Variants in SKIDA1 observed in about 807,000 individuals in gnomAD.
SKIDA1 encodes SKI/DACH domain-containing protein 1.
Under a neutral mutation model 51.4 loss-of-function variants are expected in SKIDA1, and 18 were observed. The ratio of observed to expected loss-of-function variants is 0.35; its 90% CI spans 0.24 to 0.52. SKIDA1 has a LOEUF of 0.52. SKIDA1 is among the 20% of genes least tolerant of loss of function. The probability of loss-of-function intolerance (pLI) is 0.95; values close to 1 mark genes in which losing one functional copy is unlikely to be tolerated. For synonymous variants in SKIDA1, 579 were observed against 500.5 expected (o/e 1.16, Z -2.09); for missense variants, 1,104 against 1,180.6 (o/e 0.94, Z 0.95).
In SKIDA1 at chr10:21,517,799, A is replaced by G; in HGVS notation, c.24T>C (p.Phe8=). 1 of 1,609,290 alleles carries G rather than the reference A, an allele frequency of 6.2e-7. No individual in the cohort carries two copies. Among genetic ancestry groups the G allele is most frequent in the Non-Finnish European group, 8.5e-7 (1 of 1,176,138 alleles). The change falls in exon 4 of 4, where the codon TTT becomes TTC. Residue 8 remains phenylalanine, a synonymous_variant. Coordinates refer to ENST00000449193, the MANE Select transcript of SKIDA1 (RefSeq NM_207371.4). The surrounding 1 kb of genome is among the most constrained non-coding windows in gnomAD (Gnocchi z 6.9). ...CGAGCCTCACGCCATCCACCTCTTC[A>G]AAACCTGACTTCAGGTCTCCCATCT... The part of the protein sequence containing the change: MGDLKSG[F]EEVDGVRLGY...
rs777173569 is a variant in SKIDA1, at chr10:21,516,293, A to G, written c.1530T>C (p.Ser510=). ...EDAGRLPDLK[S]SVKAESPAEW... is the part of the protein sequence containing the mutation. The stretch of plus-strand genomic sequence containing the variant: ...CCGCCGGCGACTCCGCTTTGACACT[A>G]CTCTTGAGGTCGGGAAGTCTGCCGG... The change falls in exon 4 of 4, where the codon AGT becomes AGC. Residue 510 remains serine, a synonymous_variant. Coordinates refer to ENST00000449193, the MANE Select transcript of SKIDA1 (RefSeq NM_207371.4). This position sits in a 1 kb window ranked among gnomAD's most constrained non-coding sequence, Gnocchi z 5.7. 3 of 1,613,512 alleles carry G rather than the reference A, an allele frequency of 1.9e-6. No homozygotes were observed. The highest frequency in any genetic ancestry group is 4.5e-5 in the East Asian group (2 of 44,852).
Position 21,516,230 on chromosome 10 carries a change from C to A in SKIDA1, c.1593G>T (p.Pro531=), listed in dbSNP as rs752995025. Residue 531 remains proline, a synonymous_variant, in exon 4 of 4, where the codon CCG becomes CCT. Transcript: ENST00000449193. The surrounding 1 kb of genome is among the most constrained non-coding windows in gnomAD (Gnocchi z 5.7). The stretch of plus-strand genomic sequence containing the variant: ...TCCCCAGGCTGGCCGGGCAGTACAC[C>A]GGAGATGCTTTGGGGGCCCAGCTCT... The part of the protein sequence containing the change: ...NLQSWAPKAS[P]VYCPASLGSC... 6.2e-7 allele frequency: 1 copy of A among 1,613,924 alleles called. No individual in the cohort carries two copies. Among genetic ancestry groups the A allele is most frequent in the Non-Finnish European group, 8.5e-7 (1 of 1,179,908 alleles).
rs1469610916 is a variant in SKIDA1, at chr10:21,518,460, TCTTTC to T, written c.-643_-639del. 6.0e-6 allele frequency: 1 copy of T among 166,538 alleles called. No individual in the cohort carries two copies. Among genetic ancestry groups the T allele is most frequent in the African/African-American group, 2.4e-5 (1 of 41,210 alleles). 10.3% of individuals were successfully genotyped at this position (166,538 alleles called of 1,614,324 possible). On this transcript the variant is annotated 5_prime_UTR_variant, in exon 4 of 4. It introduces an in-frame stop codon into an upstream open reading frame of the 5' UTR. Transcript: ENST00000449193. ...GTAAATAATACAGTCGGTATATAAA[TCTTTC>T]CATTAAACTATCGGAGCTCAGAAAC...
Position 21,515,846 on chromosome 10 carries a change from A to T in SKIDA1, c.1977T>A (p.Ala659=). 1 of 1,614,038 alleles carries T rather than the reference A, an allele frequency of 6.2e-7. No homozygotes were observed. The highest frequency in any genetic ancestry group is 1.1e-5 in the South Asian group (1 of 91,082). The change falls in exon 4 of 4, where the codon GCT becomes GCA. Residue 659 remains alanine (A), a synonymous_variant. Transcript: ENST00000449193. ...PSSQTDPEVN[A]AGAAATKAEN... ...CGGCTTTAGTTGCTGCTGCTCCTGC[A>T]GCGTTCACTTCAGGATCAGTCTGCG...
At position 21,515,606 on chromosome 10, in the gene SKIDA1, T is replaced by G; in HGVS notation, c.2217A>C (p.Ala739=). Residue 739 remains alanine, a synonymous_variant, in exon 4 of 4, where the codon GCA becomes GCC. Transcript: ENST00000449193. ...ALLTTAKEGF[A]CPEKETPSLN... ...AGGAAGGAGTTTCTTTTTCAGGGCA[T>G]GCAAAACCTTCCTTGGCTGTGGTTA... The G allele has an allele frequency of 6.2e-7, 1 of 1,614,062 alleles. No individual in the cohort carries two copies. Among genetic ancestry groups the G allele is most frequent in the South Asian group, 1.1e-5 (1 of 91,088 alleles).
intron 1 of SKIDA1, among the ~76,000 whole-genome samples, chr10:21,524,168 C>T (rs1175174885): frequency 2.0e-5 from 3 of 152,234 alleles, no homozygotes; most frequent in Non-Finnish European, 4.4e-5. Flanking sequence ...TTCAAGTAAA[C>T]GTCTCTTTTA....
chr10:21,516,716 C>T lies in SKIDA1; in HGVS notation c.1107G>A (p.Gln369=). The T allele has an allele frequency of 1.9e-6, 3 of 1,550,968 alleles. No individual in the cohort carries two copies. The highest frequency in any genetic ancestry group is 2.6e-6 in the Non-Finnish European group (3 of 1,146,774). The change falls in exon 4 of 4, where the codon CAG becomes CAA. Residue 369 remains glutamine (Q), a synonymous_variant. Coordinates refer to ENST00000449193, the MANE Select transcript of SKIDA1 (RefSeq NM_207371.4). The surrounding 1 kb of genome is among the most constrained non-coding windows in gnomAD (Gnocchi z 5.7). ...SHHPPHHHRP[Q]PHLGSFPESC... ...TCTCGGGAAAGCTGCCCAGATGGGG[C>T]TGCGGCCGGTGGTGGTGAGGGGGGT...
Position 21,517,229 on chromosome 10 carries a change from G to C in SKIDA1, c.594C>G (p.Ala198=), listed in dbSNP as rs1024868879. 1 of 1,464,948 alleles carries C rather than the reference G, an allele frequency of 6.8e-7. No homozygotes were observed. The highest frequency in any genetic ancestry group is 9.1e-7 in the Non-Finnish European group (1 of 1,103,718). 90.7% of individuals were successfully genotyped at this position (1,464,948 alleles called of 1,614,324 possible). The change falls in exon 4 of 4, where the codon GCC becomes GCG. Residue 198 remains alanine (A), a synonymous_variant. Coordinates refer to ENST00000449193, the MANE Select transcript of SKIDA1 (RefSeq NM_207371.4). The surrounding 1 kb of genome is among the most constrained non-coding windows in gnomAD (Gnocchi z 6.9). ...PCKPPLNYET[A]PLQGNYVAFP... Reference sequence around the variant, plus strand: ...AGGCGACGTAGTTTCCCTGGAGCGGGGCAGTTTCATAGTTTAGAGGGGGTT... The same window carrying C: ...AGGCGACGTAGTTTCCCTGGAGCGGCGCAGTTTCATAGTTTAGAGGGGGTT...
intron 3 of SKIDA1, among the ~76,000 whole-genome samples, chr10:21,521,058 G>GCACACACA (rs139184900): frequency 0.14 from 20,481 of 146,606 alleles, 1,520 homozygotes; most frequent in East Asian, 0.22. Context: ...ATGAGTGCAT[G>GCACACACA]CACACACACA....
rs769476805 is a variant in SKIDA1 at position 21,516,060 on chromosome 10, G to A, written c.1763C>T (p.Ala588Val). Reference sequence around the variant, plus strand: ...TCGGAGTATTCTTTGTTGTGGAAATGCATTGTTTGTCTTTGGGCTAGGTGA... The same window carrying A: ...TCGGAGTATTCTTTGTTGTGGAAATACATTGTTTGTCTTTGGGCTAGGTGA... ...ASSPSPKTNN[A>V]FPQQRILREA... is the part of the protein sequence containing the mutation. The change falls in exon 4 of 4, where the codon GCA (alanine) becomes GTA (valine). Residue 588 changes from alanine (A) to valine (V), a missense_variant. This residue lies in a region of SKIDA1 where 938 missense variants were observed against 886.4 expected (regional missense o/e 1.06). Coordinates refer to ENST00000449193, the MANE Select transcript of SKIDA1 (RefSeq NM_207371.4). This position sits in a 1 kb window ranked among gnomAD's most constrained non-coding sequence, Gnocchi z 5.7. 230 of 1,613,942 alleles carry A rather than the reference G, an allele frequency of 1.4e-4. No homozygotes were observed. Among genetic ancestry groups the A allele is most frequent in the Non-Finnish European group, 1.9e-4 (224 of 1,179,914 alleles).
At chr10:21,520,472 ACCCCCACCCCCGCCATTCCCCT>A (rs2032361932) in intron 3 of SKIDA1, among the ~76,000 whole-genome samples, 1 of 25,640 alleles carries the variant, frequency 3.9e-5, no homozygotes, top group Admixed American at 2.9e-4. Context: ...TCGCCCTCCC[ACCCCCACCCCCGCCATTCCCCT>A]CCCCCAGCTT....
chr10:21,517,201 G>A lies in SKIDA1; in HGVS notation c.622C>T (p.Pro208Ser), dbSNP rs1304431227. The A allele has an allele frequency of 3.5e-6, 5 of 1,448,848 alleles. No homozygotes were observed. Among genetic ancestry groups the A allele is most frequent in the South Asian group, 1.4e-5 (1 of 72,220 alleles). 89.7% of individuals were successfully genotyped at this position (1,448,848 alleles called of 1,614,324 possible). A position where few individuals can be genotyped will look rare whatever the true frequency, so the allele number is the denominator to read the frequency against. The change falls in exon 4 of 4, where the codon CCC (proline) becomes TCC (serine). Residue 208 changes from proline (P) to serine (S), a missense_variant. Pro to Ser is a moderately conservative substitution (Grantham distance 74, BLOSUM62 -1). Transcript: ENST00000449193. This position sits in a 1 kb window ranked among gnomAD's most constrained non-coding sequence, Gnocchi z 6.9. ...CTCCGAAAATAAGCAGGGTCCGAGG[G>A]GAAGGCGACGTAGTTTCCCTGGAGC... ...APLQGNYVAF[P>S]SDPAYFRSLL... is the part of the protein sequence containing the mutation.
chr10:21,521,743 T>C (rs2032402318), intron 2 of SKIDA1, among the ~76,000 whole-genome samples: 1 of 152,232 alleles, frequency 6.6e-6, no homozygotes, highest in Non-Finnish European at 1.5e-5. Context: ...TTGTAAAAAG[T>C]GCTTTAGCTT....
intron 2 of SKIDA1, among the ~76,000 whole-genome samples, chr10:21,521,755 G>GA (rs2032402506): frequency 6.6e-6 from 1 of 152,106 alleles, no homozygotes; most frequent in Admixed American, 6.5e-5. Flanking sequence ...CTTTAGCTTT[G>GA]AAAACAAAGC....
Position 21,517,838 on chromosome 10 carries a change from A to G in SKIDA1, c.-16T>C. 6.3e-7 allele frequency: 1 copy of G among 1,589,584 alleles called. No homozygotes were observed. The highest frequency in any genetic ancestry group is 8.6e-7 in the Non-Finnish European group (1 of 1,164,028). ...GGTCTCCCATCTCGGGCACTAAATG[A>G]TCCCCACCATTTGCAGTAAATATAT... On this transcript the variant is annotated 5_prime_UTR_variant, in exon 4 of 4. Transcript: ENST00000449193. This position sits in a 1 kb window ranked among gnomAD's most constrained non-coding sequence, Gnocchi z 6.9.
In SKIDA1 at chr10:21,517,273, T is replaced by A; in HGVS notation, c.550A>T (p.Ile184Phe). The A allele has an allele frequency of 2.0e-6, 3 of 1,470,602 alleles. No individual in the cohort carries two copies. Among genetic ancestry groups the A allele is most frequent in the Non-Finnish European group, 2.7e-6 (3 of 1,108,784 alleles). The allele number at this position is 1,470,602 out of a possible 1,614,324, so 91.1% of individuals were successfully genotyped here. Residue 184 changes from isoleucine (I) to phenylalanine (F), a missense_variant, in exon 4 of 4, where the codon ATC (isoleucine) becomes TTC (phenylalanine). Ile to Phe is a conservative substitution (Grantham distance 21, BLOSUM62 0). Transcript: ENST00000449193. This position sits in a 1 kb window ranked among gnomAD's most constrained non-coding sequence, Gnocchi z 6.9. ...SKYPGSHYPE[I>F]VRSPCKPPLN... is the part of the protein sequence containing the mutation. ...GGGGGTTTGCACGGCGAGCGCACGA[T>A]CTCCGGGTAGTGCGAGCCGGGGTAT...
Position 21,517,967 on chromosome 10 carries a change from C to A in SKIDA1, c.-145G>T. The A allele has an allele frequency of 1.4e-6, 1 of 723,116 alleles. No individual in the cohort carries two copies. 44.8% of individuals were successfully genotyped at this position (723,116 alleles called of 1,614,324 possible). On this transcript the variant is annotated 5_prime_UTR_variant, in exon 4 of 4. Coordinates refer to ENST00000449193, the MANE Select transcript of SKIDA1 (RefSeq NM_207371.4). This position sits in a 1 kb window ranked among gnomAD's most constrained non-coding sequence, Gnocchi z 6.9. Reference sequence around the variant, plus strand: ...AAATAACAAAGACTGTTATTCCCGGCGAAGGAAGTGCCAAACTCTAGGCGA... The same window carrying A: ...AAATAACAAAGACTGTTATTCCCGGAGAAGGAAGTGCCAAACTCTAGGCGA...
chr10:21,517,885 G>T lies in SKIDA1; in HGVS notation c.-63C>A. Reference sequence around the variant, plus strand: ...ATATACGTGACGCATACATACACATGTATGTATGTTAATCCTCAGCCAGAT... The same window carrying T: ...ATATACGTGACGCATACATACACATTTATGTATGTTAATCCTCAGCCAGAT... On this transcript the variant is annotated 5_prime_UTR_variant, in exon 4 of 4. Coordinates refer to ENST00000449193, the MANE Select transcript of SKIDA1 (RefSeq NM_207371.4). The surrounding 1 kb of genome is among the most constrained non-coding windows in gnomAD (Gnocchi z 6.9). 7.1e-7 allele frequency: 1 copy of T among 1,414,986 alleles called. No individual in the cohort carries two copies. The highest frequency in any genetic ancestry group is 9.6e-7 in the Non-Finnish European group (1 of 1,046,056). 87.7% of individuals were successfully genotyped at this position (1,414,986 alleles called of 1,614,324 possible). A position where few individuals can be genotyped will look rare whatever the true frequency, so the allele number is the denominator to read the frequency against.
chr10:21,515,994 C>T lies in SKIDA1; in HGVS notation c.1829G>A (p.Cys610Tyr), dbSNP rs771416332. Residue 610 changes from cysteine (C) to tyrosine (Y), a missense_variant, in exon 4 of 4, where the codon TGT becomes TAT. This residue lies in a region of SKIDA1 where 938 missense variants were observed against 886.4 expected (regional missense o/e 1.06). Coordinates refer to ENST00000449193, the MANE Select transcript of SKIDA1 (RefSeq NM_207371.4). Reference sequence around the variant, plus strand: ...AGCAGCTATTGTGTTGTTATCTGCACAGTGTGTAGTAGGAGTTGTTTGTAG... The same window carrying T: ...AGCAGCTATTGTGTTGTTATCTGCATAGTGTGTAGTAGGAGTTGTTTGTAG... ...KCLQTTPTTH[C>Y]ADNNTIAARF... 15 of 1,613,874 alleles carry T rather than the reference C, an allele frequency of 9.3e-6. No individual in the cohort carries two copies. Among genetic ancestry groups the T allele is most frequent in the Non-Finnish European group, 1.3e-5 (15 of 1,179,880 alleles).
Sources: allele counts gnomAD v4.1 joint callset (sites outside exome capture counted in the v4.1 genomes callset), GRCh38; gene constraint gnomAD v4.1.1; regional missense constraint gnomAD v4.1.1; non-coding constraint Gnocchi (gnomAD v3.1); transcripts MANE v1.5; gene names NCBI Gene and HGNC (gene_info 2026-07-23, HGNC 2026-07-21).